NWD1: variants seen among roughly 807,000 people sequenced by gnomAD.
The protein encoded by NWD1 is NACHT and WD repeat domain containing 1.
NWD1 carries 129 observed loss-of-function variants against 135.1 expected under a neutral mutation model. That is an observed-to-expected ratio of 0.96 (90% CI 0.83 to 1.11). NWD1 has a LOEUF of 1.11. NWD1 is among the 50% of genes least tolerant of loss of function. The probability of loss-of-function intolerance (pLI) is 0.00; values close to 1 mark genes in which losing one functional copy is unlikely to be tolerated. For synonymous variants in NWD1, 773 were observed against 786.0 expected (o/e 0.98, Z 0.28); for missense variants, 1,740 against 1,851.3 (o/e 0.94, Z 1.10).
intron 5 of NWD1, among the ~76,000 whole-genome samples, chr19:16,747,202 A>C (rs952901085): frequency 6.6e-5 from 10 of 151,034 alleles, no homozygotes. Context: ...TCGCCTGGCT[A>C]ATTTTTGTAT....
intron 1 of NWD1, among the ~76,000 whole-genome samples, chr19:16,723,558 C>T (rs1568328831): frequency 1.3e-5 from 2 of 152,256 alleles, no homozygotes; most frequent in East Asian, 3.9e-4. Flanking sequence ...AAGCAATCCC[C>T]ACCTCAGCCT....
rs1970811799 is a variant in NWD1, at chr19:16,808,070, T to A, written c.4221T>A (p.Ser1407=). The A allele has an allele frequency of 4.3e-6, 7 of 1,614,016 alleles. No homozygotes were observed. The East Asian group carries it at 1.3e-4, about 31-fold the overall frequency. The part of the protein sequence containing the change: ...SHKEQLVVSG[S]EDALLCLWDL... ...AGGAGCAGCTGGTGGTCAGCGGGTC[T>A]GAGGATGCCCTGCTGTGTCTCTGGG... is the stretch of plus-strand genomic sequence containing the variant. The change falls in exon 18 of 19, where the codon TCT becomes TCA. Residue 1407 remains serine (S), a synonymous_variant. Transcript: ENST00000524140.
At position 16,759,490 on chromosome 19, in the gene NWD1, C is replaced by G. The variant is rs1968929067; in HGVS notation, c.1973+62C>G. 14 of 1,273,312 alleles carry G rather than the reference C, an allele frequency of 1.1e-5. No individual in the cohort carries two copies. In the South Asian group the frequency reaches 1.8e-4, roughly 16 times the overall value. The allele number at this position is 1,273,312 out of a possible 1,614,324, so 78.9% of individuals were successfully genotyped here. On this transcript the variant is annotated intron_variant, in intron 7 of 18. Transcript: ENST00000524140. The stretch of plus-strand genomic sequence containing the variant: ...GTGGGACCCCAAGAATGAGGACTCA[C>G]TGGCCGGGGGTCTTCTCAGTATCAG...
rs111428282 is a variant in NWD1, at chr19:16,785,237, C to T, written c.2732-3745C>T. On this transcript the variant is annotated intron_variant, in intron 12 of 18. Transcript: ENST00000524140. ...AAAATTATTAATGTGATAGGCCAGG[C>T]GCGGTGGCTCACGCATGTAATCCTA... Among the ~76,000 whole-genome samples, 589 of 152,154 alleles carry T rather than the reference C, an allele frequency of 3.9e-3. 5 individuals carry two copies. Among genetic ancestry groups the T allele is most frequent in the African/African-American group, 0.013 (550 of 41,512 alleles).
At chr19:16,785,021 C>T (rs947005245) in intron 12 of NWD1, among the ~76,000 whole-genome samples, 11 of 151,346 alleles carry the variant, frequency 7.3e-5, no homozygotes, top group African/African-American at 2.4e-4. Context: ...ATGTCCAGAA[C>T]AGACTAATCC....
At chr19:16,755,486 T>A (rs1481593137) in intron 6 of NWD1, among the ~76,000 whole-genome samples, 4 of 152,172 alleles carry the variant, frequency 2.6e-5, no homozygotes, top group South Asian at 2.1e-4. Context: ...CCTCCTAGGT[T>A]CAAATGATTC....
intron 12 of NWD1, among the ~76,000 whole-genome samples, chr19:16,786,549 GAC>G (rs1970046596): frequency 7.0e-6 from 1 of 142,228 alleles, no homozygotes; most frequent in Non-Finnish European, 1.5e-5. Flanking sequence ...TTATGTTGGG[GAC>G]ACTTTTTTTT....
chr19:16,784,223 A>G (rs1331331533), intron 12 of NWD1, among the ~76,000 whole-genome samples: 1 of 151,468 alleles, frequency 6.6e-6, no homozygotes, highest in Non-Finnish European at 1.5e-5. Context: ...AAAAAAAAAG[A>G]AAAATTAAGT....
intron 4 of NWD1, chr19:16,738,314 ATC>A: frequency 2.5e-6 from 1 of 399,208 alleles, no homozygotes. Context: ...CACTCCTGTA[ATC>A]TCTGCATTTT....
chr19:16,808,177 A>G (rs1970816264), intron 18 of NWD1, 41 bp downstream of exon 18: 3 of 1,565,206 alleles, frequency 1.9e-6, no homozygotes, highest in East Asian at 2.2e-5. Context: ...AGACCCAGGC[A>G]TTGGAAAACT....
chr19:16,765,824 C>T (rs1969201656), intron 10 of NWD1, among the ~76,000 whole-genome samples: 1 of 151,874 alleles, frequency 6.6e-6, no homozygotes, highest in South Asian at 2.1e-4. Flanking sequence ...TGAGACCAGC[C>T]TGGTCAATAT....
chr19:16,810,453 A>AAG (rs1334479103), intron 18 of NWD1, among the ~76,000 whole-genome samples: 2 of 150,140 alleles, frequency 1.3e-5, no homozygotes, highest in African/African-American at 4.9e-5. Context: ...AAAAAAAAAA[A>AAG]AAAAGAAAGA....
At chr19:16,738,383 A>G in intron 4 of NWD1, 1 of 278,214 alleles carries the variant, frequency 3.6e-6, no homozygotes, top group South Asian at 2.8e-5. Context: ...AGCCTGGGCA[A>G]CATGGTGAAA....
intron 18 of NWD1, 90 bp from the exon 19 acceptor site, chr19:16,814,937 AT>A (rs1470516804): frequency 2.6e-6 from 3 of 1,169,312 alleles, no homozygotes; most frequent in Non-Finnish European, 2.5e-6. Context: ...CATAGCAGGA[AT>A]TTTATTCCAT....
intron 12 of NWD1, among the ~76,000 whole-genome samples, chr19:16,786,321 G>A (rs1970040632): frequency 6.6e-6 from 1 of 151,678 alleles, no homozygotes; most frequent in African/African-American, 2.4e-5. Flanking sequence ...TCCTTGTTCT[G>A]TTATTGTATT....
At chr19:16,744,996 T>A in intron 5 of NWD1, 4 of 617,470 alleles carry the variant, frequency 6.5e-6, no homozygotes, top group South Asian at 6.1e-5. Context: ...TATTAGTCTG[T>A]TCTCATGCCA....
Position 16,807,975 on chromosome 19 carries a change from T to C in NWD1, c.4126T>C (p.Cys1376Arg), listed in dbSNP as rs769799189. 1.9e-6 allele frequency: 3 copies of C among 1,614,020 alleles called. No individual in the cohort carries two copies. Among genetic ancestry groups the C allele is most frequent in the Non-Finnish European group, 2.5e-6 (3 of 1,180,002 alleles). ...CAATGGGGACCTCTTTCTTTACGAG[T>C]GTGCAACTTCCAAAGCGTTTCCCTT... is the stretch of plus-strand genomic sequence containing the variant. ...MTNGDLFLYE[C>R]ATSKAFPLET... Residue 1376 changes from cysteine (C) to arginine (R), a missense_variant, in exon 18 of 19, where the codon TGT becomes CGT. By Grantham distance (180) the Cys-to-Arg change is radical (BLOSUM62 -3). Coordinates refer to ENST00000524140, the MANE Select transcript of NWD1 (RefSeq NM_001007525.5).
chr19:16,723,051 C>T (rs1268907468), intron 1 of NWD1, among the ~76,000 whole-genome samples: 1 of 152,032 alleles, frequency 6.6e-6, no homozygotes. Context: ...TCTTCCTGTG[C>T]CTGATCTTAT....
intron 6 of NWD1, 110 bp from the exon 7 acceptor site, chr19:16,759,115 T>C (rs773842): frequency 0.058 from 46,934 of 810,944 alleles, 2,503 homozygotes; most frequent in African/African-American, 0.21. Context: ...TCCCAGGTGA[T>C]GTGCTGGACA....
Sources: allele counts gnomAD v4.1 joint callset (sites outside exome capture counted in the v4.1 genomes callset), GRCh38; gene constraint gnomAD v4.1.1; transcripts MANE v1.5; gene names NCBI Gene and HGNC (gene_info 2026-07-23, HGNC 2026-07-21).